C1orf21: variants seen among roughly 807,000 people sequenced by gnomAD.
C1orf21 encodes uncharacterized protein C1orf21.
A neutral mutation model predicts 18.7 loss-of-function variants in C1orf21; 3 were observed. The ratio of observed to expected loss-of-function variants is 0.16; its 90% CI spans 0.07 to 0.42. The LOEUF is 0.42. Ranked by LOEUF, C1orf21 falls within the 10% of genes least tolerant of loss-of-function variation. C1orf21 has a pLI of 0.99. For missense variants in C1orf21, 104 were observed against 143.6 expected (o/e 0.72, Z 1.41); for synonymous variants, 41 against 46.4 (o/e 0.88, Z 0.47).
At chr1:184,530,501 A>C (rs778382390) in intron 3 of C1orf21, among the ~76,000 whole-genome samples, 1 of 152,094 alleles carries the variant, frequency 6.6e-6, no homozygotes, top group South Asian at 2.1e-4. Context: ...TTTTAATAAT[A>C]TAAGTAATTC....
Position 184,583,370 on chromosome 1 carries a change from T to C in C1orf21, c.190-7369T>C, listed in dbSNP as rs1659309389. The stretch of plus-strand genomic sequence containing the variant: ...AAGCAAAGGAAAAAATTGTTTGATT[T>C]GTTGTTTAAATAAATCTGTCACTAC... On this transcript the variant is annotated intron_variant, in intron 3 of 5. Transcript: ENST00000235307. Among the ~76,000 whole-genome samples, 3 of 152,240 alleles carry C rather than the reference T, an allele frequency of 2.0e-5. No individual in the cohort carries two copies. The South Asian group carries it at 6.2e-4, about 31-fold the overall frequency.
rs1466131389 is a variant in C1orf21 at position 184,505,343 on chromosome 1, A to ATATATG, written c.95-2245_95-2244insTATATG. 2.3e-5 allele frequency among the ~76,000 whole-genome samples: 3 copies of ATATATG among 129,618 alleles called. 1 individual carries two copies. The highest frequency in any genetic ancestry group is 2.5e-4 in the South Asian group (1 of 4,044). 85.0% of individuals were successfully genotyped at this position (129,618 alleles called of 152,430 possible). On this transcript the variant is annotated intron_variant, in intron 2 of 5. Coordinates refer to ENST00000235307, the MANE Select transcript of C1orf21 (RefSeq NM_030806.4). Reference sequence around the variant, plus strand: ...TATATATATATATATATATATATACACACATGCCATATATATATAGACATG... The same window carrying ATATATG: ...TATATATATATATATATATATATACATATATGCACATGCCATATATATATAGACATG...
chr1:184,557,832 A>C (rs1255729227), intron 3 of C1orf21, among the ~76,000 whole-genome samples: 1 of 152,158 alleles, frequency 6.6e-6, no homozygotes, highest in South Asian at 2.1e-4. Context: ...AATACCACCA[A>C]CAACTCGTTG....
chr1:184,504,033 G>A (rs1016020047), intron 2 of C1orf21, among the ~76,000 whole-genome samples: 2 of 152,078 alleles, frequency 1.3e-5, no homozygotes, highest in Non-Finnish European at 2.9e-5. Context: ...ACCTTCTCAC[G>A]TAGTCTTCTT....
chr1:184,393,387 C>A (rs1468627542), intron 1 of C1orf21, among the ~76,000 whole-genome samples: 1 of 152,182 alleles, frequency 6.6e-6, no homozygotes, highest in Non-Finnish European at 1.5e-5. Flanking sequence ...GCTTTTAGAT[C>A]TTCCAGCACA....
chr1:184,400,657 T>C (rs1236314987), intron 1 of C1orf21, among the ~76,000 whole-genome samples: 2 of 151,796 alleles, frequency 1.3e-5, no homozygotes, highest in East Asian at 3.9e-4. Flanking sequence ...AATCTTTTGC[T>C]CTTACATTTT....
At chr1:184,611,142 T>C (rs1475278090) in intron 5 of C1orf21, among the ~76,000 whole-genome samples, 1 of 152,198 alleles carries the variant, frequency 6.6e-6, no homozygotes, top group Non-Finnish European at 1.5e-5. Context: ...ATAAAGCTCA[T>C]TAGAGACGGA....
At chr1:184,419,239 A>T (rs993735338) in intron 1 of C1orf21, among the ~76,000 whole-genome samples, 3 of 152,190 alleles carry the variant, frequency 2.0e-5, no homozygotes, top group African/African-American at 4.8e-5. Flanking sequence ...TGTCTTGCTT[A>T]CTGGCTTTTG....
chr1:184,459,891 A>G (rs577370700), intron 1 of C1orf21, among the ~76,000 whole-genome samples: 3 of 152,318 alleles, frequency 2.0e-5, no homozygotes, highest in African/African-American at 4.8e-5. Context: ...GCATCCATCC[A>G]TGCACTTTGC....
At chr1:184,423,820 A>G (rs760103207) in intron 1 of C1orf21, among the ~76,000 whole-genome samples, 1 of 151,220 alleles carries the variant, frequency 6.6e-6, no homozygotes, top group African/African-American at 2.4e-5. Flanking sequence ...CCATCCATCC[A>G]TCTACCCATC....
chr1:184,596,731 C>G (rs550572089), intron 4 of C1orf21, among the ~76,000 whole-genome samples: 1 of 151,952 alleles, frequency 6.6e-6, no homozygotes, highest in South Asian at 2.1e-4. Context: ...ATTAGCTGTA[C>G]GTGGTGGCTC....
intron 3 of C1orf21, among the ~76,000 whole-genome samples, chr1:184,526,543 A>G (rs1051175892): frequency 1.3e-5 from 2 of 152,188 alleles, no homozygotes; most frequent in African/African-American, 4.8e-5. Context: ...AAAGCTGGTC[A>G]GGGACTAAGT....
At chr1:184,501,284 C>T (rs1657972176) in intron 2 of C1orf21, among the ~76,000 whole-genome samples, 1 of 152,112 alleles carries the variant, frequency 6.6e-6, no homozygotes, top group African/African-American at 2.4e-5. Flanking sequence ...TGTCTTACCT[C>T]CTGGAATTCT....
chr1:184,416,311 AT>A lies in C1orf21; in HGVS notation c.-125+28947del, dbSNP rs957883059. On this transcript the variant is annotated intron_variant, in intron 1 of 5. Transcript: ENST00000235307. ...GATTTTGTTTCCATTGCAGTGGATGATTTTAACCTATAAGAATTACAATGGG... is the reference window on the plus strand; with the variant it reads ...GATTTTGTTTCCATTGCAGTGGATGATTTAACCTATAAGAATTACAATGGG... Among the ~76,000 whole-genome samples the A allele has an allele frequency of 5.5e-4, 84 of 152,290 alleles. 1 individual carries two copies. Among genetic ancestry groups the A allele is most frequent in the African/African-American group, 1.9e-3 (81 of 41,550 alleles).
At chr1:184,572,181 G>A (rs2101990425) in intron 3 of C1orf21, among the ~76,000 whole-genome samples, 1 of 152,270 alleles carries the variant, frequency 6.6e-6, no homozygotes, top group East Asian at 1.9e-4. Context: ...TAAGAGACAA[G>A]GAATCAAAAG....
intron 3 of C1orf21, among the ~76,000 whole-genome samples, chr1:184,527,667 G>A (rs1410631387): frequency 2.0e-5 from 3 of 152,170 alleles, no homozygotes; most frequent in African/African-American, 7.2e-5. Flanking sequence ...CTGTCCTACT[G>A]TGGTGAAGAA....
intron 4 of C1orf21, among the ~76,000 whole-genome samples, chr1:184,591,642 T>C (rs565339428): frequency 6.6e-6 from 1 of 151,972 alleles, no homozygotes; most frequent in South Asian, 2.1e-4. Flanking sequence ...CCATCTCTAC[T>C]AAAAATACAA....
chr1:184,435,398 C>T lies in C1orf21; in HGVS notation c.-124-41988C>T, dbSNP rs187419456. Among the ~76,000 whole-genome samples, 15 of 152,308 alleles carry T rather than the reference C, an allele frequency of 9.8e-5. No homozygotes were observed. The East Asian group carries it at 2.9e-3, about 29-fold the overall frequency. ...TCACTCTGTCGCCCAGCCTGGAGTG[C>T]AGTGGCATAGTCTCAGCTCACTGCA... is the stretch of plus-strand genomic sequence containing the variant. On this transcript the variant is annotated intron_variant, in intron 1 of 5. Transcript: ENST00000235307.
intron 1 of C1orf21, among the ~76,000 whole-genome samples, chr1:184,464,394 C>T (rs975925701): frequency 1.3e-5 from 2 of 152,162 alleles, no homozygotes; most frequent in Non-Finnish European, 1.5e-5. Flanking sequence ...CTTACCTAGA[C>T]CTTAAGTTAT....
Sources: gnomAD v4.1 joint callset for allele counts (sites outside exome capture counted in the v4.1 genomes callset) on GRCh38, gnomAD v4.1.1 for gene constraint, MANE v1.5 for transcripts, NCBI Gene and HGNC (gene_info 2026-07-23, HGNC 2026-07-21) for gene names.